The following CATSPERD variants were observed in gnomAD, a reference collection of about 807,000 sequenced individuals.
CATSPERD encodes the protein catsper channel auxiliary subunit delta, also known as cation channel sperm-associated auxiliary subunit delta.
In CATSPERD, 86 loss-of-function variants were observed where a neutral mutation model predicts 98.1. That is an observed-to-expected ratio of 0.88 (90% CI 0.74 to 1.05). CATSPERD has a LOEUF of 1.05. Ranked by LOEUF, CATSPERD falls within the 50% of genes least tolerant of loss-of-function variation. The pLI is 0.00. For synonymous variants in CATSPERD, 394 were observed against 390.2 expected (o/e 1.01, Z -0.12); for missense variants, 995 against 1,005.7 (o/e 0.99, Z 0.14).
intron 11 of CATSPERD, among the ~76,000 whole-genome samples, 181 bp from the exon 12 acceptor site, chr19:5,751,466 G>A (rs1375289234): frequency 2.1e-5 from 3 of 142,512 alleles, no homozygotes; most frequent in Non-Finnish European, 4.5e-5. Context: ...CCCGGGAGGC[G>A]GAGCTTGCAG....
Position 5,778,363 on chromosome 19 carries a change from C to T in CATSPERD, c.2097-13C>T, listed in dbSNP as rs1452713686. The T allele has an allele frequency of 6.3e-7, 1 of 1,589,086 alleles. No individual in the cohort carries two copies. Among genetic ancestry groups the T allele is most frequent in the African/African-American group, 1.3e-5 (1 of 74,570 alleles). ...AATGCCCAACAGCCTCTCCCCGCCTCCCCCCACCGCAGCTACTGTCAACTG... is the reference window on the plus strand; with the variant it reads ...AATGCCCAACAGCCTCTCCCCGCCTTCCCCCACCGCAGCTACTGTCAACTG... On this transcript the variant is annotated splice_polypyrimidine_tract_variant and intron_variant, in intron 21 of 21. Coordinates refer to ENST00000381624, the MANE Select transcript of CATSPERD (RefSeq NM_152784.4).
At chr19:5,767,579 C>CG (rs1412698066) in intron 17 of CATSPERD, among the ~76,000 whole-genome samples, 11 of 151,174 alleles carry the variant, frequency 7.3e-5, no homozygotes, top group Admixed American at 2.6e-4. Flanking sequence ...GCTCCGCCTC[C>CG]CTGGTTCATG....
At chr19:5,741,896 C>T (rs939549871) in intron 7 of CATSPERD, among the ~76,000 whole-genome samples, 3 of 146,158 alleles carry the variant, frequency 2.1e-5, no homozygotes, top group Non-Finnish European at 4.5e-5. Flanking sequence ...CTGGGTGTGG[C>T]GGCTGGCGTG....
rs1293171501 is a variant in CATSPERD, at chr19:5,720,673, C to G, written c.-65C>G. On this transcript the variant is annotated 5_prime_UTR_variant, in exon 1 of 22. The change creates a premature stop within an existing upstream ORF in the 5' untranslated region. Coordinates refer to ENST00000381624, the MANE Select transcript of CATSPERD (RefSeq NM_152784.4). ...TGCGCAGGGCTTCAGCCTGCACGTACTCGGATTGTGCAGCGACTCCCCGTG... is the reference window on the plus strand; with the variant it reads ...TGCGCAGGGCTTCAGCCTGCACGTAGTCGGATTGTGCAGCGACTCCCCGTG... The G allele has an allele frequency of 3.6e-5, 55 of 1,514,438 alleles. No individual in the cohort carries two copies. The highest frequency in any genetic ancestry group is 4.8e-5 in the Non-Finnish European group (53 of 1,108,510). 93.8% of individuals were successfully genotyped at this position (1,514,438 alleles called of 1,614,324 possible). A position where few individuals can be genotyped will look rare whatever the true frequency, so the allele number is the denominator to read the frequency against.
intron 7 of CATSPERD, among the ~76,000 whole-genome samples, chr19:5,741,798 G>GGGGGGGGGGGGGGGT (rs1568350103): frequency 1.2e-5 from 1 of 82,596 alleles, no homozygotes; most frequent in African/African-American, 4.0e-5. Context: ...GGGGGGGGGG[G>GGGGGGGGGGGGGGGT]TGGTGTGGAT....
intron 1 of CATSPERD, among the ~76,000 whole-genome samples, chr19:5,724,602 G>C (rs1000320147): frequency 1.3e-5 from 2 of 152,174 alleles, no homozygotes; most frequent in South Asian, 4.1e-4. Flanking sequence ...TGGCGGCTGA[G>C]GCAGGAGAAA....
At chr19:5,769,036 G>T (rs769885936) in intron 18 of CATSPERD, among the ~76,000 whole-genome samples, 12 of 151,782 alleles carry the variant, frequency 7.9e-5, no homozygotes, top group Non-Finnish European at 1.2e-4. Flanking sequence ...CACCTGTAAT[G>T]CCAGCTACTC....
At chr19:5,771,919 T>C (rs1250007793) in intron 19 of CATSPERD, among the ~76,000 whole-genome samples, 1 of 152,130 alleles carries the variant, frequency 6.6e-6, no homozygotes, top group Non-Finnish European at 1.5e-5. Context: ...GGGCCCACCC[T>C]ACATCCTATG....
At position 5,727,321 on chromosome 19, in the gene CATSPERD, G is replaced by T; in HGVS notation, c.180G>T (p.Glu60Asp). 2 of 1,613,144 alleles carry T rather than the reference G, an allele frequency of 1.2e-6. No homozygotes were observed. The highest frequency in any genetic ancestry group is 1.7e-6 in the Non-Finnish European group (2 of 1,179,120). The change falls in exon 3 of 22, where the codon GAG becomes GAT. Residue 60 changes from glutamate (E) to aspartate (D), a missense_variant. By Grantham distance (45) the Glu-to-Asp change is conservative. Around this residue, in one of 3 missense-constraint regions of CATSPERD, gnomAD observed 228 missense variants for 209.6 expected, o/e 1.09. Coordinates refer to ENST00000381624, the MANE Select transcript of CATSPERD (RefSeq NM_152784.4). ...TTTRLIKHPC[E>D]KNIALYLGKQ... is the part of the protein sequence containing the mutation. ...CACGCTTGATTAAACATCCTTGCGA[G>T]AAAAATATAGCACTATATCTAGGGT...
intron 21 of CATSPERD, among the ~76,000 whole-genome samples, chr19:5,777,407 C>T (rs2079822551): frequency 6.6e-6 from 1 of 152,196 alleles, no homozygotes; most frequent in South Asian, 2.1e-4. Context: ...GATTCTGTGA[C>T]ACCCCTGAAC....
intron 3 of CATSPERD, among the ~76,000 whole-genome samples, chr19:5,729,513 G>A (rs1340922306): frequency 6.6e-6 from 1 of 152,088 alleles, no homozygotes; most frequent in African/African-American, 2.4e-5. Flanking sequence ...CTATTTAAAA[G>A]TTTCCCATAT....
At chr19:5,757,345 G>A (rs1016871282) in intron 13 of CATSPERD, among the ~76,000 whole-genome samples, 8 of 150,470 alleles carry the variant, frequency 5.3e-5, no homozygotes, top group South Asian at 4.2e-4. Context: ...TTACCCAGGC[G>A]GGAGTACAAT....
intron 7 of CATSPERD, among the ~76,000 whole-genome samples, chr19:5,742,883 TAGGTGG>T (rs2056016516): frequency 6.6e-6 from 1 of 152,100 alleles, no homozygotes; most frequent in Admixed American, 6.6e-5. Context: ...CCTAATGGGA[TAGGTGG>T]AGGGAGGGTC....
intron 19 of CATSPERD, 52 bp downstream of exon 19, chr19:5,771,124 C>A: frequency 1.3e-6 from 2 of 1,572,082 alleles, no homozygotes; most frequent in South Asian, 1.2e-5. Flanking sequence ...GGGCCTCATG[C>A]TCCCTGGCCC....
intron 11 of CATSPERD, 32 bp from the exon 12 acceptor site, chr19:5,751,615 T>C: frequency 2.9e-6 from 4 of 1,358,202 alleles, no homozygotes; most frequent in Non-Finnish European, 3.9e-6. Flanking sequence ...ACAATTACAA[T>C]GATTAGATCT....
At chr19:5,754,356 G>A (rs1035381184) in intron 13 of CATSPERD, 111 bp downstream of exon 13, 15 of 580,378 alleles carry the variant, frequency 2.6e-5, no homozygotes, top group Middle Eastern at 5.1e-4. Flanking sequence ...GACGCTACTC[G>A]CACACTCACA....
In CATSPERD at chr19:5,720,743, G is replaced by A. The variant is rs757855286; in HGVS notation, c.6G>A (p.Leu2=). The part of the protein sequence containing the change: M[L]MLMLVAAVTM... Reference sequence around the variant, plus strand: ...GGCGGCGGAAGCCCAAGTCGATGCTGATGTTGATGCTGGTGGCGGCTGTGA... The same window carrying A: ...GGCGGCGGAAGCCCAAGTCGATGCTAATGTTGATGCTGGTGGCGGCTGTGA... The change falls in exon 1 of 22, where the codon CTG becomes CTA. Residue 2 remains leucine, a synonymous_variant. Coordinates refer to ENST00000381624, the MANE Select transcript of CATSPERD (RefSeq NM_152784.4). 6.2e-7 allele frequency: 1 copy of A among 1,606,874 alleles called. No individual in the cohort carries two copies. The highest frequency in any genetic ancestry group is 1.1e-5 in the South Asian group (1 of 91,002).
chr19:5,762,090 G>GTTTTT (rs2056452369), intron 15 of CATSPERD, among the ~76,000 whole-genome samples: 1 of 44,418 alleles, frequency 2.3e-5, no homozygotes, highest in Non-Finnish European at 4.6e-5. Flanking sequence ...TTGAGACACA[G>GTTTTT]TTTCACTCTG....
At chr19:5,748,774 C>T (rs1401079943) in intron 10 of CATSPERD, among the ~76,000 whole-genome samples, 1 of 131,292 alleles carries the variant, frequency 7.6e-6, no homozygotes, top group African/African-American at 2.8e-5. Context: ...TCTTGTTACC[C>T]AGGCTGGAGT....
Sources: gnomAD v4.1 joint callset for allele counts (sites outside exome capture counted in the v4.1 genomes callset) on GRCh38, gnomAD v4.1.1 for gene constraint, gnomAD v4.1.1 regional missense constraint, MANE v1.5 for transcripts, NCBI Gene and HGNC (gene_info 2026-07-23, HGNC 2026-07-21) for gene names.